Variants in AXL observed in about 807,000 individuals in gnomAD.
AXL encodes tyrosine-protein kinase receptor UFO.
In AXL, 52 loss-of-function variants were observed where a neutral mutation model predicts 104.5. The ratio of observed to expected loss-of-function variants is 0.50; its 90% CI spans 0.40 to 0.63. AXL has a LOEUF of 0.63. AXL is among the 20% of genes least tolerant of loss of function. The pLI is 0.00. For missense variants in AXL, 1,024 were observed against 1,188.5 expected (o/e 0.86, Z 2.04); for synonymous variants, 455 against 473.7 (o/e 0.96, Z 0.51).
In AXL at chr19:41,257,553, G is replaced by A. The variant is rs372169583; in HGVS notation, c.2257G>A (p.Val753Met). ...ATRGQTPYPG[V>M]ENSEIYDYLR... The stretch of plus-strand genomic sequence containing the variant: ...AAGAGGCCAAACCCCATATCCGGGC[G>A]TGGAGAACAGCGAGATTTATGACTA... Residue 753 changes from valine to methionine, a missense_variant, in exon 19 of 20, where the codon GTG becomes ATG. Val to Met is a conservative substitution (Grantham distance 21). This residue lies in a region of AXL where 523 missense variants were observed against 636.0 expected (regional missense o/e 0.82). Transcript: ENST00000301178. 1.4e-4 allele frequency: 223 copies of A among 1,614,034 alleles called. No individual in the cohort carries two copies. Among genetic ancestry groups the A allele is most frequent in the South Asian group, 1.8e-4 (16 of 91,088 alleles).
intron 5 of AXL, 37 bp downstream of exon 5, chr19:41,231,084 G>A: frequency 1.2e-6 from 2 of 1,613,306 alleles, no homozygotes; most frequent in Non-Finnish European, 1.7e-6. Context: ...GGGCGTCAGA[G>A]GGTGGGGTTT....
Position 41,239,312 on chromosome 19 carries a change from C to T in AXL, c.1283C>T (p.Pro428Leu). 6.4e-7 allele frequency: 1 copy of T among 1,572,208 alleles called. No individual in the cohort carries two copies. The highest frequency in any genetic ancestry group is 8.6e-7 in the Non-Finnish European group (1 of 1,161,376). ...CCAGTACCCCTGGAGGCCTGGCGCCCAGGTAAGTCCAAAGCCATGCCCAAC... is the reference window on the plus strand; with the variant it reads ...CCAGTACCCCTGGAGGCCTGGCGCCTAGGTAAGTCCAAAGCCATGCCCAAC... ...SLPVPLEAWR[P>L]GQAQPVHQLV... is the part of the protein sequence containing the mutation. Residue 428 changes from proline to leucine, a missense_variant and splice_region_variant, in exon 9 of 20, where the codon CCA becomes CTA. This residue lies in a region of AXL where 523 missense variants were observed against 636.0 expected (regional missense o/e 0.82). Transcript: ENST00000301178.
rs894318544 is a variant in AXL at position 41,253,519 on chromosome 19, C to G, written c.1927-80C>G. ...GGAAACCACTGCGGGCAGAGCTAGG[C>G]TTGCACAGAGGGATGGAGGGAGGAG... On this transcript the variant is annotated intron_variant, in intron 16 of 19. Transcript: ENST00000301178. The G allele has an allele frequency of 4.9e-5, 53 of 1,074,214 alleles. No homozygotes were observed. In the African/African-American group the frequency reaches 7.6e-4, roughly 15 times the overall value. 66.5% of individuals were successfully genotyped at this position (1,074,214 alleles called of 1,614,324 possible).
chr19:41,227,478 AC>A (rs2033902495), intron 4 of AXL, among the ~76,000 whole-genome samples: 1 of 139,370 alleles, frequency 7.2e-6, no homozygotes, highest in East Asian at 2.1e-4. Flanking sequence ...ACTATTTTGC[AC>A]CCTGGGGCCT....
In AXL at chr19:41,220,863, G is replaced by C; in HGVS notation, c.308+5G>C. On this transcript the variant is annotated splice_donor_5th_base_variant and intron_variant, in intron 2 of 19. Coordinates refer to ENST00000301178, the MANE Select transcript of AXL (RefSeq NM_021913.5). ...GATAGTGGTCAGCCAGCTCAGGTGT[G>C]TGGCCACATCCCCGAATCCCACTCC... 6.2e-7 allele frequency: 1 copy of C among 1,613,016 alleles called. No individual in the cohort carries two copies.
chr19:41,219,561 G>C (rs971941285), intron 1 of AXL, 84 bp downstream of exon 1: 9 of 1,463,984 alleles, frequency 6.1e-6, no homozygotes, highest in South Asian at 4.9e-5. Context: ...TGGCAGGTGT[G>C]GGGGGCCTGG....
At chr19:41,220,934 CCA>C in intron 2 of AXL, 76 bp downstream of exon 2, 1 of 1,515,106 alleles carries the variant, frequency 6.6e-7, no homozygotes, top group East Asian at 2.3e-5. Context: ...GGTGGGAACC[CCA>C]GTTTGACCAC....
At position 41,248,652 on chromosome 19, in the gene AXL, A is replaced by G. The variant is rs370750909; in HGVS notation, c.1633+43A>G. On this transcript the variant is annotated intron_variant, in intron 13 of 19. Transcript: ENST00000301178. ...ATACACACATCCTTCTGAACTTCTG[A>G]GATCCTGCACTTCCACACTCCCACC... 6.8e-6 allele frequency: 11 copies of G among 1,612,218 alleles called. No homozygotes were observed. In the African/African-American group the frequency reaches 1.5e-4, roughly 22 times the overall value.
At position 41,259,568 on chromosome 19, in the gene AXL, G is replaced by A. The variant is rs376416855; in HGVS notation, c.2349G>A (p.Ser783=). The A allele has an allele frequency of 9.3e-6, 15 of 1,605,340 alleles. No homozygotes were observed. Among genetic ancestry groups the A allele is most frequent in the Admixed American group, 5.0e-5 (3 of 59,504 alleles). The stretch of plus-strand genomic sequence containing the variant: ...GCTGCCCTAGGTATGCCTTGATGTC[G>A]CGGTGCTGGGAGCTAAATCCCCAGG... ...DCLDGLYALM[S]RCWELNPQDR... The change falls in exon 20 of 20, where the codon TCG becomes TCA. Residue 783 remains serine, a synonymous_variant. Transcript: ENST00000301178.
intron 4 of AXL, among the ~76,000 whole-genome samples, chr19:41,225,011 GT>G (rs955364741): frequency 1.2e-4 from 18 of 152,074 alleles, no homozygotes; most frequent in African/African-American, 4.3e-4. Flanking sequence ...GTTTTTTGGG[GT>G]TTTTGTTTTG....
intron 4 of AXL, among the ~76,000 whole-genome samples, chr19:41,229,355 C>T (rs1192441850): frequency 6.6e-6 from 1 of 152,056 alleles, no homozygotes; most frequent in Non-Finnish European, 1.5e-5. Flanking sequence ...CCTCCACCTC[C>T]CCGGGCACAG....
intron 12 of AXL, among the ~76,000 whole-genome samples, chr19:41,246,714 C>A (rs932845601): frequency 9.9e-5 from 15 of 151,888 alleles, no homozygotes; most frequent in African/African-American, 2.9e-4. Context: ...GACTCGGTTT[C>A]AAAAAAAATT....
chr19:41,238,669 C>G lies in AXL; in HGVS notation c.1134+60C>G. 11 of 1,542,422 alleles carry G rather than the reference C, an allele frequency of 7.1e-6. No individual in the cohort carries two copies. The South Asian group carries it at 1.3e-4, about 19-fold the overall frequency. On this transcript the variant is annotated intron_variant, in intron 8 of 19. Coordinates refer to ENST00000301178, the MANE Select transcript of AXL (RefSeq NM_021913.5). Reference sequence around the variant, plus strand: ...TTGGGGAGGAGGGAGGAGAACATATCAGGGCAGACATAGATGGTTGTGAAG... The same window carrying G: ...TTGGGGAGGAGGGAGGAGAACATATGAGGGCAGACATAGATGGTTGTGAAG...
At chr19:41,257,771 T>C in intron 19 of AXL, 142 bp downstream of exon 19, 1 of 1,078,542 alleles carries the variant, frequency 9.3e-7, no homozygotes, top group South Asian at 1.5e-5. Flanking sequence ...CCCTCACCAA[T>C]GCTCTGAGTA....
At chr19:41,229,013 G>T (rs1265458101) in intron 4 of AXL, among the ~76,000 whole-genome samples, 1 of 150,842 alleles carries the variant, frequency 6.6e-6, no homozygotes, top group Non-Finnish European at 1.5e-5. Context: ...GCAATGGCGT[G>T]ATCTCAGCTC....
chr19:41,258,022 T>G (rs1475890186), intron 19 of AXL, among the ~76,000 whole-genome samples: 2 of 152,236 alleles, frequency 1.3e-5, no homozygotes, highest in East Asian at 3.8e-4. Context: ...TGAGACTCTC[T>G]GCAAAACCCT....
At chr19:41,254,498 TAAC>T (rs1323984130) in intron 17 of AXL, among the ~76,000 whole-genome samples, 1 of 144,800 alleles carries the variant, frequency 6.9e-6, no homozygotes, top group African/African-American at 2.6e-5. Context: ...CCAGCCTGGG[TAAC>T]AACAACGAGA....
chr19:41,244,122 T>TAGATGGGTG (rs1391091909), intron 12 of AXL, among the ~76,000 whole-genome samples: 4 of 151,972 alleles, frequency 2.6e-5, no homozygotes, highest in Non-Finnish European at 5.9e-5. Context: ...GAGGATCACC[T>TAGATGGGTG]GAGCCCAGGG....
At chr19:41,234,438 T>C (rs971423860) in intron 6 of AXL, among the ~76,000 whole-genome samples, 4 of 152,012 alleles carry the variant, frequency 2.6e-5, no homozygotes, top group Admixed American at 6.6e-5. Flanking sequence ...CTGGCCAACA[T>C]GGTGAAACGC....
Sources: allele counts gnomAD v4.1 joint callset (sites outside exome capture counted in the v4.1 genomes callset), GRCh38; gene constraint gnomAD v4.1.1; regional missense constraint gnomAD v4.1.1; transcripts MANE v1.5; gene names NCBI Gene and HGNC (gene_info 2026-07-23, HGNC 2026-07-21).